The following CCP110 variants were observed in gnomAD, a reference collection of about 807,000 sequenced individuals.
The protein encoded by CCP110 is centriolar coiled-coil protein 110.
CCP110 carries 43 observed loss-of-function variants against 105.5 expected under a neutral mutation model. The observed-to-expected ratio is 0.41, with a 90% CI of 0.32 to 0.53. The LOEUF (loss-of-function observed/expected upper bound fraction) is 0.53. Among genes scored for constraint, CCP110 ranks in the 20% least tolerant of loss-of-function variants. CCP110 has a pLI of 0.32. For missense variants in CCP110, 1,016 were observed against 1,189.1 expected (o/e 0.85, Z 2.14); for synonymous variants, 353 against 392.1 (o/e 0.90, Z 1.18).
chr16:19,551,310 C>T, exon 15 of CCP110: 2 of 1,341,928 alleles, frequency 1.5e-6, no homozygotes, highest in East Asian at 2.3e-5. Flanking sequence ...ATTTTCCCTG[C>T]CCAAGACTTT....
At chr16:19,535,764 ATAAT>A (rs1970030290) in intron 3 of CCP110, among the ~76,000 whole-genome samples, 172 bp from the exon 4 acceptor site, 1 of 152,182 alleles carries the variant, frequency 6.6e-6, no homozygotes, top group African/African-American at 2.4e-5. Flanking sequence ...CTTTTCAATA[ATAAT>A]TTGAGCCCCC....
rs1457477883 is a variant in CCP110 at position 19,548,039 on chromosome 16, G to A, written c.2900+25G>A. 6.9e-7 allele frequency: 1 copy of A among 1,457,312 alleles called. No homozygotes were observed. The highest frequency in any genetic ancestry group is 1.4e-5 in the African/African-American group (1 of 71,926). The allele number at this position is 1,457,312 out of a possible 1,614,324, so 90.3% of individuals were successfully genotyped here. A position where few individuals can be genotyped will look rare whatever the true frequency, so the allele number is the denominator to read the frequency against. ...GGTAAGAATGCCACACACGGGTATT[G>A]AAAACTACGGAAACCAAGATTAGAT... On this transcript the variant is annotated intron_variant, in intron 13 of 14. Coordinates refer to ENST00000381396, the Ensembl canonical transcript of CCP110. The surrounding 1 kb of genome is among the most constrained non-coding windows in gnomAD (Gnocchi z 4.1).
intron 8 of CCP110, 96 bp from the exon 9 acceptor site, chr16:19,544,701 G>A (rs1970401852): frequency 1.3e-5 from 9 of 703,398 alleles, no homozygotes; most frequent in Non-Finnish European, 2.0e-5. Context: ...ACGAAAGACT[G>A]TAATTTTGGA....
At chr16:19,528,001 A>C in exon 2 of CCP110, 1 of 1,612,290 alleles carries the variant, frequency 6.2e-7, no homozygotes, top group Non-Finnish European at 8.5e-7. Context: ...GCTTTCATGG[A>C]GTGGCTATCC....
chr16:19,537,565 A>G, exon 4 of CCP110: 3 of 1,575,322 alleles, frequency 1.9e-6, no homozygotes, highest in Non-Finnish European at 2.6e-6. Context: ...ACAAGAATAA[A>G]ATGTTAGGAA....
chr16:19,539,121 A>AT (rs887852901), intron 4 of CCP110, among the ~76,000 whole-genome samples: 33 of 109,268 alleles, frequency 3.0e-4, no homozygotes, highest in African/African-American at 1.3e-3. Flanking sequence ...CAAAAAAAAA[A>AT]AATAATAATA....
intron 3 of CCP110, 146 bp from the exon 4 acceptor site, chr16:19,535,794 C>T (rs750970706): frequency 2.0e-4 from 118 of 597,870 alleles, no homozygotes; most frequent in Non-Finnish European, 2.4e-4. Context: ...TACAGGATAC[C>T]GTAGAAACCT....
chr16:19,541,647 G>GA (rs1970283812), intron 5 of CCP110, among the ~76,000 whole-genome samples: 1 of 70,978 alleles, frequency 1.4e-5, no homozygotes, highest in African/African-American at 6.8e-5. Flanking sequence ...AAGAGAGAGA[G>GA]AGGAGAGAGA....
At chr16:19,543,377 C>G (rs879326429) in intron 8 of CCP110, among the ~76,000 whole-genome samples, 1 of 152,200 alleles carries the variant, frequency 6.6e-6, no homozygotes, top group Non-Finnish European at 1.5e-5. Context: ...TGTCTTTAAT[C>G]TCTTAATCCT....
Position 19,540,701 on chromosome 16 carries a change from AT to A in CCP110, c.1964del (p.Met655SerfsTer5), listed in dbSNP as rs1189763465. On this transcript the variant is annotated frameshift_variant, in exon 5 of 15. Coordinates refer to ENST00000381396, the Ensembl canonical transcript of CCP110. LOFTEE classifies it high-confidence loss of function. ...AAGCAAGATGTTAGCTTTTGAAGAA[AT>A]GCGGAAGAGACTAGAAGAACAGCAC... is the stretch of plus-strand genomic sequence containing the variant. 3.1e-6 allele frequency: 5 copies of A among 1,613,126 alleles called. No homozygotes were observed. Among genetic ancestry groups the A allele is most frequent in the Non-Finnish European group, 4.2e-6 (5 of 1,179,232 alleles).
At chr16:19,546,582 C>T in intron 12 of CCP110, 108 bp downstream of exon 12, 1 of 623,170 alleles carries the variant, frequency 1.6e-6, no homozygotes, top group Non-Finnish European at 2.8e-6. Context: ...TTTGGGAGGC[C>T]AAGACGGATG....
At chr16:19,526,409 G>A (rs550889904) in intron 1 of CCP110, 1 of 152,246 alleles carries the variant, frequency 6.6e-6, no homozygotes, top group East Asian at 1.9e-4. Flanking sequence ...GAAATAATGT[G>A]AGTTGAAACC....
intron 4 of CCP110, among the ~76,000 whole-genome samples, chr16:19,539,041 G>GGCGGAGGTTGCAGTGA (rs1318676253): frequency 6.6e-6 from 1 of 151,818 alleles, no homozygotes; most frequent in Non-Finnish European, 1.5e-5. Context: ...GAACCCAGGA[G>GGCGGAGGTTGCAGTGA]GCGGAGGTTG....
intron 11 of CCP110, 135 bp downstream of exon 11, chr16:19,546,025 A>G (rs1970446467): frequency 7.0e-6 from 4 of 575,406 alleles, no homozygotes; most frequent in African/African-American, 5.7e-5. Flanking sequence ...TCCCCTTTAT[A>G]TAAAGAAATT....
intron 5 of CCP110, 92 bp from the exon 6 acceptor site, chr16:19,541,795 A>G (rs1266694510): frequency 1.7e-6 from 1 of 592,718 alleles, no homozygotes; most frequent in African/African-American, 1.9e-5. Flanking sequence ...AATTGCTGAT[A>G]ATTACATGTA....
At chr16:19,538,253 A>G (rs1022736280) in intron 4 of CCP110, among the ~76,000 whole-genome samples, 1 of 146,352 alleles carries the variant, frequency 6.8e-6, no homozygotes, top group African/African-American at 2.6e-5. Flanking sequence ...TGAAGCTTTC[A>G]TAGTCCACTT....
At chr16:19,542,030 G>A (rs772749230) in exon 6 of CCP110, 94 of 1,590,852 alleles carry the variant, frequency 5.9e-5, no homozygotes, top group East Asian at 1.3e-4. Flanking sequence ...TGTCTCAAGC[G>A]GACTCACTCC....
rs781605849 is a variant in CCP110 at position 19,536,346 on chromosome 16, T to C, written c.677T>C (p.Met226Thr). The change falls in exon 4 of 15, where the codon ATG becomes ACG. Residue 226 changes from methionine (M) to threonine (T), a missense_variant. Physicochemically the swap from Met to Thr is moderately conservative, Grantham distance 81. Coordinates refer to ENST00000381396, the Ensembl canonical transcript of CCP110. Reference sequence around the variant, plus strand: ...GAAGTCATCCCAGATCCCTATGTAATGAGTCTTCAGAATCTGATGAAAAAG... The same window carrying C: ...GAAGTCATCCCAGATCCCTATGTAACGAGTCTTCAGAATCTGATGAAAAAG... 5 of 1,612,698 alleles carry C rather than the reference T, an allele frequency of 3.1e-6. No individual in the cohort carries two copies. In the South Asian group the frequency reaches 4.4e-5, roughly 14 times the overall value.
intron 2 of CCP110, among the ~76,000 whole-genome samples, chr16:19,531,496 T>C (rs766643387): frequency 1.6e-4 from 25 of 152,264 alleles, no homozygotes; most frequent in Non-Finnish European, 3.4e-4. Flanking sequence ...ATTATATTTT[T>C]ATCAGAAGGT....
Sources: allele counts gnomAD v4.1 joint callset (sites outside exome capture counted in the v4.1 genomes callset), GRCh38; gene constraint gnomAD v4.1.1; non-coding constraint Gnocchi (gnomAD v3.1); transcripts MANE v1.5; gene names NCBI Gene and HGNC (gene_info 2026-07-23, HGNC 2026-07-21).